The following SRRM3 variants were observed in gnomAD, a reference collection of about 807,000 sequenced individuals.
SRRM3 encodes the protein serine/arginine repetitive matrix protein 3.
In SRRM3, 27 loss-of-function variants were observed where a neutral mutation model predicts 66.2. The observed-to-expected ratio is 0.41, with a 90% CI of 0.30 to 0.56. The LOEUF is 0.56. SRRM3 is among the 20% of genes least tolerant of loss of function. SRRM3 has a pLI of 0.32. For missense variants in SRRM3, 918 were observed against 991.9 expected (o/e 0.93, Z 1.00); for synonymous variants, 391 against 414.9 (o/e 0.94, Z 0.70).
At chr7:76,203,405 A>G (rs1472068072) in intron 1 of SRRM3, among the ~76,000 whole-genome samples, 1 of 152,192 alleles carries the variant, frequency 6.6e-6, no homozygotes, top group Non-Finnish European at 1.5e-5. Flanking sequence ...TCTGTAAAAC[A>G]GGTGTAGTGT....
At chr7:76,213,750 C>T (rs1247110474) in intron 1 of SRRM3, among the ~76,000 whole-genome samples, 1 of 151,840 alleles carries the variant, frequency 6.6e-6, no homozygotes, top group Non-Finnish European at 1.5e-5. Flanking sequence ...AGAGGCTCCT[C>T]TCTGGGTTTT....
At position 76,285,354 on chromosome 7, in the gene SRRM3, G is replaced by A. The variant is rs1177292436; in HGVS notation, c.1734-261G>A. 4.5e-5 allele frequency: 22 copies of A among 490,576 alleles called. No individual in the cohort carries two copies. The highest frequency in any genetic ancestry group is 1.5e-4 in the East Asian group (4 of 26,558). 30.4% of individuals were successfully genotyped at this position (490,576 alleles called of 1,614,324 possible). A position where few individuals can be genotyped will look rare whatever the true frequency, so the allele number is the denominator to read the frequency against. The stretch of plus-strand genomic sequence containing the variant: ...GCTGGGATTACAGGCGTGAGCCACC[G>A]CGCCCAGCCTCAACAAGTATTTATT... On this transcript the variant is annotated intron_variant, in intron 14 of 14. Transcript: ENST00000611745. This position sits in a 1 kb window ranked among gnomAD's most constrained non-coding sequence, Gnocchi z 4.1.
chr7:76,277,441 T>G (rs1019902453), intron 11 of SRRM3, among the ~76,000 whole-genome samples: 1 of 151,982 alleles, frequency 6.6e-6, no homozygotes, highest in Non-Finnish European at 1.5e-5. Flanking sequence ...TGCCTGTAAT[T>G]CCAGCACTTT....
At chr7:76,256,704 C>T (rs926444236) in intron 3 of SRRM3, among the ~76,000 whole-genome samples, 1 of 150,790 alleles carries the variant, frequency 6.6e-6, no homozygotes, top group Non-Finnish European at 1.5e-5. Context: ...GGGTTTTGGC[C>T]GGCTTCTTTT....
At chr7:76,216,648 C>G (rs1554602624) in intron 1 of SRRM3, among the ~76,000 whole-genome samples, 2 of 152,188 alleles carry the variant, frequency 1.3e-5, no homozygotes, top group East Asian at 1.9e-4. Flanking sequence ...GGGTCAGGCT[C>G]TCAACATGGA....
At chr7:76,253,468 A>G (rs1303347801) in intron 3 of SRRM3, among the ~76,000 whole-genome samples, 2 of 151,728 alleles carry the variant, frequency 1.3e-5, no homozygotes, top group Admixed American at 6.6e-5. Flanking sequence ...AAAAATACAA[A>G]AAATTAGCTG....
intron 3 of SRRM3, among the ~76,000 whole-genome samples, chr7:76,258,744 A>T (rs1801781465): frequency 7.0e-6 from 1 of 141,944 alleles, no homozygotes; most frequent in Non-Finnish European, 1.5e-5. Flanking sequence ...GAAAAAGAAA[A>T]AGAAAAAAAA....
chr7:76,264,358 G>A (rs529556375), intron 8 of SRRM3, among the ~76,000 whole-genome samples: 1 of 150,760 alleles, frequency 6.6e-6, no homozygotes, highest in Admixed American at 6.6e-5. Context: ...TAGAGACTGG[G>A]TTTCTCCATG....
intron 6 of SRRM3, 27 bp downstream of exon 6, chr7:76,260,930 C>T (rs2117059030): frequency 6.4e-7 from 1 of 1,554,792 alleles, no homozygotes; most frequent in Non-Finnish European, 8.7e-7. Context: ...CTGGCTGGGG[C>T]CAGGGCGGGG....
At chr7:76,260,385 G>A (rs1347551865) in intron 5 of SRRM3, among the ~76,000 whole-genome samples, 188 bp downstream of exon 5, 2 of 63,450 alleles carry the variant, frequency 3.2e-5, no homozygotes, top group Non-Finnish European at 6.0e-5. Context: ...CAGGCCTCAA[G>A]CTCCTCCCCT....
chr7:76,223,112 C>T (rs1272666416), intron 1 of SRRM3, among the ~76,000 whole-genome samples: 4 of 152,174 alleles, frequency 2.6e-5, no homozygotes, highest in Non-Finnish European at 2.9e-5. Context: ...GCCATGCATC[C>T]ATCATCCCCA....
intron 1 of SRRM3, among the ~76,000 whole-genome samples, chr7:76,213,200 G>A (rs559633210): frequency 6.6e-6 from 1 of 151,490 alleles, no homozygotes; most frequent in East Asian, 2.0e-4. Context: ...TAGTAGAAAC[G>A]GGGTTTCACT....
intron 11 of SRRM3, among the ~76,000 whole-genome samples, chr7:76,271,052 C>CA (rs1802198416): frequency 6.6e-6 from 1 of 152,108 alleles, no homozygotes; most frequent in African/African-American, 2.4e-5. Context: ...TTTGTTGGCC[C>CA]ATCCCAGGTG....
At chr7:76,218,345 G>A (rs1028380565) in intron 1 of SRRM3, among the ~76,000 whole-genome samples, 9 of 152,160 alleles carry the variant, frequency 5.9e-5, no homozygotes, top group Non-Finnish European at 8.8e-5. Flanking sequence ...ACCTGCCATC[G>A]GTGACAGCTC....
intron 10 of SRRM3, among the ~76,000 whole-genome samples, chr7:76,265,733 T>C (rs1264411001): frequency 1.4e-5 from 2 of 142,330 alleles, no homozygotes; most frequent in East Asian, 3.9e-4. Flanking sequence ...GTAATAATAA[T>C]AATTATTACT....
rs1259551420 is a variant in SRRM3 at position 76,282,659 on chromosome 7, G to A, written c.1382G>A (p.Arg461Gln). ...TCTCCCTCCTCCAGGGCCAAGGAGC[G>A]GCCCCCGCGCGCGCGGCCCGCCAGC... ...HGGHGKRAKERPPRARPASTS... is the reference protein window; with the variant it reads ...HGGHGKRAKEQPPRARPASTS... The change falls in exon 13 of 15, where the codon CGG becomes CAG. Residue 461 changes from arginine to glutamine, a missense_variant. By Grantham distance (43) the Arg-to-Gln change is conservative. Coordinates refer to ENST00000611745, the MANE Select transcript of SRRM3 (RefSeq NM_001110199.3). 1.3e-5 allele frequency: 18 copies of A among 1,400,656 alleles called. No individual in the cohort carries two copies. Among genetic ancestry groups the A allele is most frequent in the Non-Finnish European group, 1.6e-5 (17 of 1,083,606 alleles). The allele number at this position is 1,400,656 out of a possible 1,614,324, so 86.8% of individuals were successfully genotyped here. A position where few individuals can be genotyped will look rare whatever the true frequency, so the allele number is the denominator to read the frequency against.
chr7:76,266,447 T>C (rs1554609688), intron 10 of SRRM3, among the ~76,000 whole-genome samples: 1 of 112,444 alleles, frequency 8.9e-6, no homozygotes, highest in African/African-American at 3.7e-5. Flanking sequence ...TAGATATATA[T>C]TTTAATATTT....
At chr7:76,259,086 A>T (rs1194651556) in intron 3 of SRRM3, among the ~76,000 whole-genome samples, 10 of 151,896 alleles carry the variant, frequency 6.6e-5, no homozygotes, top group Non-Finnish European at 8.8e-5. Flanking sequence ...ACTGAAAAAA[A>T]AAAGAAAGAA....
intron 10 of SRRM3, among the ~76,000 whole-genome samples, chr7:76,266,466 T>A (rs1323455261): frequency 8.9e-6 from 1 of 111,994 alleles, no homozygotes; most frequent in African/African-American, 3.7e-5. Flanking sequence ...TTATATATAT[T>A]ATAAATATTT....
Sources: gnomAD v4.1 joint callset for allele counts (sites outside exome capture counted in the v4.1 genomes callset) on GRCh38, gnomAD v4.1.1 for gene constraint, Gnocchi (gnomAD v3.1) non-coding constraint, MANE v1.5 for transcripts, NCBI Gene and HGNC (gene_info 2026-07-23, HGNC 2026-07-21) for gene names.